Variants in MYH13 observed in about 807,000 individuals in gnomAD.
MYH13 encodes myosin-13.
A neutral mutation model predicts 232.1 loss-of-function variants in MYH13; 177 were observed. The observed-to-expected ratio is 0.76, with a 90% CI of 0.67 to 0.86. MYH13 has a LOEUF of 0.86. Ranked by LOEUF, MYH13 falls within the 40% of genes least tolerant of loss-of-function variation. The probability of loss-of-function intolerance (pLI) is 0.00; values close to 1 mark genes in which losing one functional copy is unlikely to be tolerated. For synonymous variants in MYH13, 884 were observed against 923.5 expected, an observed-to-expected ratio of 0.96 and a Z score of 0.78; for missense variants, 2,246 against 2,405.9, an observed-to-expected ratio of 0.93 and a Z score of 1.39.
intron 13 of MYH13, 97 bp from the exon 14 acceptor site, chr17:10,345,713 G>T (rs2071658905): frequency 1.6e-5 from 26 of 1,599,100 alleles, no homozygotes; most frequent in Non-Finnish European, 1.5e-5. Context: ...AAAAGCTGTT[G>T]GCTAGGCGTG....
At chr17:10,323,999 G>A (rs368166386) in intron 23 of MYH13, 23 bp downstream of exon 23, 3 of 1,612,630 alleles carry the variant, frequency 1.9e-6, no homozygotes, top group Non-Finnish European at 2.5e-6. Flanking sequence ...AAGACACTGT[G>A]GGAGTCCCTT....
At chr17:10,310,070 G>A (rs1371612502) in intron 33 of MYH13, among the ~76,000 whole-genome samples, 1 of 149,540 alleles carries the variant, frequency 6.7e-6, no homozygotes, top group Non-Finnish European at 1.5e-5. Context: ...GAGCCATGGT[G>A]CCCAGAGCCC....
chr17:10,323,173 C>A (rs1299186115), intron 23 of MYH13, among the ~76,000 whole-genome samples: 1 of 152,170 alleles, frequency 6.6e-6, no homozygotes. Context: ...ATTCCTTGAT[C>A]TATACACCCA....
Position 10,306,248 on chromosome 17 carries a change from G to GTGTC in MYH13, c.5466+210_5466+211insGACA, listed in dbSNP as rs1326148971. Among the ~76,000 whole-genome samples the GTGTC allele has an allele frequency of 6.6e-6, 1 of 151,064 alleles. No individual in the cohort carries two copies. The highest frequency in any genetic ancestry group is 2.4e-5 in the African/African-American group (1 of 41,088). Reference sequence around the variant, plus strand: ...TGTGTGTGTGTGTGTGTGTGTGTGTGTGTGTGTGTGTGTGTGTGTGTTTTG... The same window carrying GTGTC: ...TGTGTGTGTGTGTGTGTGTGTGTGTGTGTCTGTGTGTGTGTGTGTGTGTGTTTTG... On this transcript the variant is annotated intron_variant, in intron 37 of 40. Transcript: ENST00000252172. The surrounding 1 kb of genome is among the most constrained non-coding windows in gnomAD (Gnocchi z 4.3).
In MYH13 at chr17:10,300,867, C is replaced by T. The variant is rs1224669751; in HGVS notation, c.*84G>A. ...AATAAACACAGCAGAGCCGGGAATCCGAGTATTTAGGAGAATTTATTTCTC... is the reference window on the plus strand; with the variant it reads ...AATAAACACAGCAGAGCCGGGAATCTGAGTATTTAGGAGAATTTATTTCTC... On this transcript the variant is annotated 3_prime_UTR_variant, in exon 41 of 41. Coordinates refer to ENST00000252172, the MANE Select transcript of MYH13 (RefSeq NM_003802.3). 2.8e-5 allele frequency: 39 copies of T among 1,376,764 alleles called. No homozygotes were observed. Among genetic ancestry groups the T allele is most frequent in the Middle Eastern group, 1.8e-4 (1 of 5,464 alleles). The allele number at this position is 1,376,764 out of a possible 1,614,324, so 85.3% of individuals were successfully genotyped here.
chr17:10,323,422 T>C (rs1642357471), intron 23 of MYH13, among the ~76,000 whole-genome samples: 1 of 151,930 alleles, frequency 6.6e-6, no homozygotes. Flanking sequence ...AAACAGTCCT[T>C]CCTCTCAAAG....
intron 5 of MYH13, 77 bp from the exon 6 acceptor site, chr17:10,360,265 G>A: frequency 6.0e-6 from 9 of 1,510,378 alleles, no homozygotes; most frequent in Non-Finnish European, 8.1e-6. Context: ...ATTGGGGGTG[G>A]TTGGAGAACA....
intron 23 of MYH13, among the ~76,000 whole-genome samples, chr17:10,322,469 C>T (rs997734344): frequency 3.3e-5 from 5 of 152,122 alleles, no homozygotes; most frequent in Non-Finnish European, 7.4e-5. Flanking sequence ...AGGAGGAGGG[C>T]ACCCAACACG....
At chr17:10,365,460 T>G (rs978470894) in intron 2 of MYH13, among the ~76,000 whole-genome samples, 1 of 152,194 alleles carries the variant, frequency 6.6e-6, no homozygotes, top group African/African-American at 2.4e-5. Flanking sequence ...CCTATCCCCA[T>G]GGTTTCTGAT....
intron 7 of MYH13, among the ~76,000 whole-genome samples, chr17:10,359,201 A>G (rs2071772252): frequency 6.6e-6 from 1 of 152,232 alleles, no homozygotes; most frequent in Admixed American, 6.5e-5. Context: ...CCAGGGAACC[A>G]ACCGCGTGAT....
chr17:10,322,414 G>C lies in MYH13; in HGVS notation c.2935-706C>G, dbSNP rs146157315. On this transcript the variant is annotated intron_variant, in intron 23 of 40. Transcript: ENST00000252172. Reference sequence around the variant, plus strand: ...TCCGTCTCAAAAATAAAGACAGAAAGAAAGAAAGAAAATTCAGAACGGGAG... The same window carrying C: ...TCCGTCTCAAAAATAAAGACAGAAACAAAGAAAGAAAATTCAGAACGGGAG... Among the ~76,000 whole-genome samples the C allele has an allele frequency of 7.2e-3, 1,102 of 152,116 alleles. 8 individuals are homozygous for C. Among genetic ancestry groups the C allele is most frequent in the Non-Finnish European group, 0.012 (792 of 67,986 alleles).
In MYH13 at chr17:10,309,224, G is replaced by A; in HGVS notation, c.5169+10C>T. On this transcript the variant is annotated intron_variant, in intron 35 of 40. Transcript: ENST00000252172. ...GTGGACCTTCAGCGGAGGAGTGAGG[G>A]CCGACGCACCTGGGAGTGCAGGAGC... 3.1e-6 allele frequency: 5 copies of A among 1,611,390 alleles called. No homozygotes were observed. Among genetic ancestry groups the A allele is most frequent in the South Asian group, 2.2e-5 (2 of 90,808 alleles).
rs1428435696 is a variant in MYH13, at chr17:10,345,254, T to G, written c.1532A>C (p.Glu511Ala). ...EEYKKEGIEWEFIDFGMDLAA... is the reference protein window; with the variant it reads ...EEYKKEGIEWAFIDFGMDLAA... ...CAGGTCCATTCCGAAGTCAATGAAC[T>G]CCCACTCGATGCCTTCCTTCTTGTA... Residue 511 changes from glutamate to alanine, a missense_variant, in exon 15 of 41, where the codon GAG (glutamate) becomes GCG (alanine). Transcript: ENST00000252172. 9 of 1,614,140 alleles carry G rather than the reference T, an allele frequency of 5.6e-6. No individual in the cohort carries two copies. Among genetic ancestry groups the G allele is most frequent in the Admixed American group, 3.3e-5 (2 of 60,008 alleles).
rs548046172 is a variant in MYH13 at position 10,340,263 on chromosome 17, A to G, written c.1969-26T>C. ...CTGGGACATAAACCAAAACAAGCAC[A>G]TTTAGCAACTGCCATTTCACTGGGG... On this transcript the variant is annotated intron_variant, in intron 17 of 40. Transcript: ENST00000252172. 1.9e-5 allele frequency: 30 copies of G among 1,613,672 alleles called. No individual in the cohort carries two copies. In the East Asian group the frequency reaches 5.6e-4, roughly 30 times the overall value.
In MYH13 at chr17:10,306,440, G is replaced by GT; in HGVS notation, c.5466+18dup. The GT allele has an allele frequency of 6.2e-7, 1 of 1,614,034 alleles. No individual in the cohort carries two copies. Among genetic ancestry groups the GT allele is most frequent in the South Asian group, 1.1e-5 (1 of 91,078 alleles). On this transcript the variant is annotated intron_variant, in intron 37 of 40. Transcript: ENST00000252172. This position sits in a 1 kb window ranked among gnomAD's most constrained non-coding sequence, Gnocchi z 4.3. ...CGAGGCTGTCACTTTCAGAGTAACAGTCCTCTCAAAAACTCTACCCGGTTC... is the reference window on the plus strand; with the variant it reads ...CGAGGCTGTCACTTTCAGAGTAACAGTTCCTCTCAAAAACTCTACCCGGTTC...
At chr17:10,325,146 A>G (rs1325905664) in intron 22 of MYH13, among the ~76,000 whole-genome samples, 1 of 152,036 alleles carries the variant, frequency 6.6e-6, no homozygotes, top group Non-Finnish European at 1.5e-5. Context: ...TTTCAAACAG[A>G]GGAGTTTGTG....
chr17:10,309,375 G>A lies in MYH13; in HGVS notation c.5028C>T (p.Ala1676=). Reference sequence around the variant, plus strand: ...GGAGGCCATTCCTGCGCTCCACGATGGCCAGCTGCTCCTTGAGGTCCTCAT... The same window carrying A: ...GGAGGCCATTCCTGCGCTCCACGATAGCCAGCTGCTCCTTGAGGTCCTCAT... The part of the protein sequence containing the change: ...RSNEDLKEQL[A]IVERRNGLLL... The change falls in exon 35 of 41, where the codon GCC becomes GCT. Residue 1676 remains alanine, a synonymous_variant. Transcript: ENST00000252172. 1.2e-6 allele frequency: 2 copies of A among 1,612,632 alleles called. No homozygotes were observed. The highest frequency in any genetic ancestry group is 1.7e-6 in the Non-Finnish European group (2 of 1,179,332).
At chr17:10,309,880 T>C in intron 33 of MYH13, 50 bp from the exon 34 acceptor site, 9 of 1,451,262 alleles carry the variant, frequency 6.2e-6, no homozygotes, top group Non-Finnish European at 7.4e-6. Context: ...TCCACCTTCA[T>C]GAATGGGTAT....
At chr17:10,325,557 A>G (rs72814741) in intron 22 of MYH13, among the ~76,000 whole-genome samples, 2,293 of 152,372 alleles carry the variant, frequency 0.015, 27 homozygotes, top group Non-Finnish European at 0.021. Flanking sequence ...AAAACACCCA[A>G]GAATTCGTGA....
Sources: gnomAD v4.1 joint callset for allele counts (sites outside exome capture counted in the v4.1 genomes callset) on GRCh38, gnomAD v4.1.1 for gene constraint, Gnocchi (gnomAD v3.1) non-coding constraint, MANE v1.5 for transcripts, NCBI Gene and HGNC (gene_info 2026-07-23, HGNC 2026-07-21) for gene names.